The following ANKRD55 variants were observed in gnomAD, a reference collection of about 807,000 sequenced individuals.
The protein encoded by ANKRD55 is ankyrin repeat domain-containing protein 55.
ANKRD55 carries 41 observed loss-of-function variants against 60.6 expected under a neutral mutation model. The ratio of observed to expected loss-of-function variants is 0.68; its 90% CI spans 0.53 to 0.88. The LOEUF is 0.88. Among genes scored for constraint, ANKRD55 ranks in the 40% least tolerant of loss-of-function variants. The pLI, the probability that ANKRD55 is intolerant of heterozygous loss-of-function variation, is 0.00. For synonymous variants in ANKRD55, 264 were observed against 290.3 expected, an observed-to-expected ratio of 0.91 and a Z score of 0.92; for missense variants, 732 against 767.6, an observed-to-expected ratio of 0.95 and a Z score of 0.55.
intron 2 of ANKRD55, among the ~76,000 whole-genome samples, chr5:56,200,213 C>T (rs1293846349): frequency 6.6e-6 from 1 of 152,040 alleles, no homozygotes; most frequent in Non-Finnish European, 1.5e-5. Flanking sequence ...CCTAGCATAT[C>T]TATAACTAAG....
At chr5:56,179,446 A>G (rs549012086) in intron 3 of ANKRD55, among the ~76,000 whole-genome samples, 250 of 152,340 alleles carry the variant, frequency 1.6e-3, no homozygotes, top group African/African-American at 5.7e-3. Flanking sequence ...TGGAATCAGA[A>G]AAGAATAAAA....
chr5:56,233,140 T>C, intron 1 of ANKRD55, 101 bp downstream of exon 1: 1 of 571,462 alleles, frequency 1.7e-6, no homozygotes, highest in Middle Eastern at 4.3e-4. Flanking sequence ...TATGGCCTCA[T>C]TCATCAGCTG....
At chr5:56,211,540 A>C (rs949494910) in intron 2 of ANKRD55, among the ~76,000 whole-genome samples, 2 of 152,236 alleles carry the variant, frequency 1.3e-5, no homozygotes, top group African/African-American at 4.8e-5. Context: ...GTAAGGCTGC[A>C]GCCTGTCAGG....
At position 56,170,806 on chromosome 5, in the gene ANKRD55, G is replaced by A; in HGVS notation, c.313-3C>T. On this transcript the variant is annotated splice_region_variant and splice_polypyrimidine_tract_variant and intron_variant, in intron 4 of 11. Transcript: ENST00000341048. Reference sequence around the variant, plus strand: ...CTCACACAGCCTTCAAGCCAGCCCTGAAATACAAGAGCAACCACATCATTA... The same window carrying A: ...CTCACACAGCCTTCAAGCCAGCCCTAAAATACAAGAGCAACCACATCATTA... 6.2e-7 allele frequency: 1 copy of A among 1,613,344 alleles called. No individual in the cohort carries two copies. The highest frequency in any genetic ancestry group is 1.3e-5 in the African/African-American group (1 of 75,010).
At position 56,116,932 on chromosome 5, in the gene ANKRD55, C is replaced by T. The variant is rs1055891066; in HGVS notation, c.798-150G>A. 3 of 782,412 alleles carry T rather than the reference C, an allele frequency of 3.8e-6. No individual in the cohort carries two copies. The African/African-American group carries it at 5.4e-5, about 14-fold the overall frequency. The allele number at this position is 782,412 out of a possible 1,614,324, so 48.5% of individuals were successfully genotyped here. On this transcript the variant is annotated intron_variant, in intron 8 of 11. Transcript: ENST00000341048. ...ATAGAAATAGTAAGTGTTAAATGAG[C>T]CCGAAGGATGATGGTGGACATGTGT...
At chr5:56,126,786 T>C (rs974253795) in intron 8 of ANKRD55, 136 bp downstream of exon 8, 1 of 947,022 alleles carries the variant, frequency 1.1e-6, no homozygotes, top group Non-Finnish European at 1.5e-6. Flanking sequence ...GCAATTTTTA[T>C]TGTCACAAGC....
At chr5:56,114,861 G>A (rs80353334) in intron 9 of ANKRD55, among the ~76,000 whole-genome samples, 2 of 152,140 alleles carry the variant, frequency 1.3e-5, no homozygotes, top group African/African-American at 2.4e-5. Flanking sequence ...TTTATATAAG[G>A]CTGGATCGTT....
intron 10 of ANKRD55, among the ~76,000 whole-genome samples, chr5:56,104,889 A>C (rs1456168371): frequency 6.6e-6 from 1 of 151,938 alleles, no homozygotes; most frequent in Non-Finnish European, 1.5e-5. Flanking sequence ...TGGTCCAGAG[A>C]AGTTGAGGTT....
At chr5:56,161,312 T>G (rs1347012605) in intron 5 of ANKRD55, among the ~76,000 whole-genome samples, 2 of 152,182 alleles carry the variant, frequency 1.3e-5, no homozygotes, top group East Asian at 3.8e-4. Flanking sequence ...AATTAATCAA[T>G]GGATACTCAT....
At chr5:56,135,211 TTTCC>T (rs201467096) in intron 7 of ANKRD55, among the ~76,000 whole-genome samples, 17,644 of 118,076 alleles carry the variant, frequency 0.15, 1,680 homozygotes, top group Non-Finnish European at 0.17. Flanking sequence ...GTCTCACAAC[TTTCC>T]TTCCTTCCTT....
intron 2 of ANKRD55, chr5:56,192,867 T>A: frequency 1.5e-6 from 1 of 665,502 alleles, no homozygotes; most frequent in Non-Finnish European, 2.6e-6. Flanking sequence ...GCCAAACATG[T>A]CAAAGCTACA....
rs141756860 is a variant in ANKRD55, at chr5:56,162,238, A to T, written c.423-2345T>A. On this transcript the variant is annotated intron_variant, in intron 5 of 11. Transcript: ENST00000341048. The stretch of plus-strand genomic sequence containing the variant: ...TAGGGAGAGCAGGACCTCTTGTCAT[A>T]TCCTGGGTGGCCTCCCAAGGTTGTG... Among the ~76,000 whole-genome samples the T allele has an allele frequency of 3.5e-4, 54 of 152,298 alleles. No individual in the cohort carries two copies. The East Asian group carries it at 9.6e-3, about 27-fold the overall frequency.
At chr5:56,131,078 T>A (rs959791294) in intron 7 of ANKRD55, among the ~76,000 whole-genome samples, 2 of 151,498 alleles carry the variant, frequency 1.3e-5, no homozygotes, top group African/African-American at 4.8e-5. Context: ...GAAACAATAA[T>A]AACAACTGAG....
intron 2 of ANKRD55, among the ~76,000 whole-genome samples, chr5:56,231,653 GCACACACACACACACACACACA>G (rs34225686): frequency 1.4e-5 from 2 of 147,978 alleles, no homozygotes; most frequent in Admixed American, 6.8e-5. Flanking sequence ...CTGAAGGCGC[GCACACACACACACACACACACA>G]CACACACACA....
intron 5 of ANKRD55, chr5:56,162,039 G>A: frequency 2.0e-6 from 2 of 985,188 alleles, no homozygotes; most frequent in Non-Finnish European, 2.4e-6. Context: ...CTCATTATTG[G>A]CCATTGTTTA....
chr5:56,149,045 G>A (rs1488006751), intron 6 of ANKRD55, among the ~76,000 whole-genome samples: 3 of 151,994 alleles, frequency 2.0e-5, no homozygotes, highest in East Asian at 3.9e-4. Flanking sequence ...ATAAAAAATT[G>A]GAATTAATAT....
At chr5:56,166,438 T>G (rs531998453) in intron 5 of ANKRD55, among the ~76,000 whole-genome samples, 12 of 151,836 alleles carry the variant, frequency 7.9e-5, no homozygotes, top group African/African-American at 2.7e-4. Flanking sequence ...TTTAAAAAAA[T>G]CATTTTTAGA....
chr5:56,136,656 C>T (rs1446211876), intron 7 of ANKRD55, among the ~76,000 whole-genome samples: 5 of 152,102 alleles, frequency 3.3e-5, no homozygotes, highest in East Asian at 1.9e-4. Context: ...CAAGGCGGCT[C>T]GTACCTGTAA....
intron 7 of ANKRD55, among the ~76,000 whole-genome samples, chr5:56,129,882 T>G (rs1757364991): frequency 6.6e-6 from 1 of 152,120 alleles, no homozygotes; most frequent in African/African-American, 2.4e-5. Flanking sequence ...GCTGGGAGGT[T>G]TTGTGATGTG....
Sources: gnomAD v4.1 joint callset for allele counts (sites outside exome capture counted in the v4.1 genomes callset) on GRCh38, gnomAD v4.1.1 for gene constraint, MANE v1.5 for transcripts, NCBI Gene and HGNC (gene_info 2026-07-23, HGNC 2026-07-21) for gene names.